Variants in DENND1A observed in about 807,000 individuals in gnomAD.
The protein encoded by DENND1A is DENN domain containing 1A.
DENND1A carries 51 observed loss-of-function variants against 113.7 expected under a neutral mutation model. The ratio of observed to expected loss-of-function variants is 0.45; its 90% CI spans 0.36 to 0.57. The LOEUF is 0.57. Ranked by LOEUF, DENND1A falls within the 20% of genes least tolerant of loss-of-function variation. The probability of loss-of-function intolerance (pLI) is 0.00; values close to 1 mark genes in which losing one functional copy is unlikely to be tolerated. For synonymous variants in DENND1A, 565 were observed against 570.8 expected (o/e 0.99, Z 0.14); for missense variants, 1,258 against 1,395.9 (o/e 0.90, Z 1.57).
At chr9:123,929,818 C>A (rs1193137849) in intron 1 of DENND1A, 71 bp downstream of exon 1, 7 of 187,540 alleles carry the variant, frequency 3.7e-5, no homozygotes, top group Admixed American at 6.1e-5. Context: ...GCGCGGCCCG[C>A]GGCCTGCAGC....
intron 13 of DENND1A, among the ~76,000 whole-genome samples, chr9:123,486,635 G>A (rs1299518502): frequency 1.3e-5 from 2 of 152,222 alleles, no homozygotes; most frequent in African/African-American, 4.8e-5. Context: ...AGCAAGCCTT[G>A]AGCATGAGTG....
At chr9:123,437,458 G>A (rs2046608366) in intron 19 of DENND1A, among the ~76,000 whole-genome samples, 1 of 152,220 alleles carries the variant, frequency 6.6e-6, no homozygotes, top group African/African-American at 2.4e-5. Context: ...TGAGATGAAG[G>A]CAACCGTCTC....
At chr9:123,420,732 T>A (rs573467336) in intron 19 of DENND1A, among the ~76,000 whole-genome samples, 1 of 152,034 alleles carries the variant, frequency 6.6e-6, no homozygotes, top group Non-Finnish European at 1.5e-5. Flanking sequence ...TCAAGATCCC[T>A]GATTACTTCC....
chr9:123,398,392 T>G (rs2043244520), intron 21 of DENND1A, among the ~76,000 whole-genome samples: 1 of 152,128 alleles, frequency 6.6e-6, no homozygotes. Flanking sequence ...CTTTTTTATT[T>G]GAGACGGCGT....
intron 13 of DENND1A, among the ~76,000 whole-genome samples, chr9:123,473,552 C>T (rs959139653): frequency 1.3e-5 from 2 of 152,190 alleles, no homozygotes; most frequent in Admixed American, 6.5e-5. Context: ...ATGCCAACTC[C>T]GCTCCTCTCC....
Position 123,879,041 on chromosome 9 carries a change from T to C in DENND1A, c.18-20A>G, listed in dbSNP as rs1342635612. 2.5e-6 allele frequency: 4 copies of C among 1,612,988 alleles called. No homozygotes were observed. Among genetic ancestry groups the C allele is most frequent in the Non-Finnish European group, 3.4e-6 (4 of 1,179,358 alleles). On this transcript the variant is annotated intron_variant, in intron 1 of 23. Transcript: ENST00000394215. Reference sequence around the variant, plus strand: ...TTCTGCCTACAAAAGAAACAGATCATGATTACTGACAAAGATTGAGGCAGC... The same window carrying C: ...TTCTGCCTACAAAAGAAACAGATCACGATTACTGACAAAGATTGAGGCAGC...
chr9:123,435,728 G>C (rs2046467711), intron 19 of DENND1A, among the ~76,000 whole-genome samples: 1 of 152,206 alleles, frequency 6.6e-6, no homozygotes. Flanking sequence ...CAGTGTCACT[G>C]AACTCACACA....
intron 13 of DENND1A, among the ~76,000 whole-genome samples, chr9:123,551,615 A>T (rs1589101951): frequency 1.3e-5 from 2 of 152,216 alleles, no homozygotes; most frequent in Admixed American, 6.5e-5. Flanking sequence ...GAGAGCACGG[A>T]TGGGAAGCAA....
At chr9:123,796,171 G>A (rs924493338) in intron 2 of DENND1A, among the ~76,000 whole-genome samples, 1 of 152,156 alleles carries the variant, frequency 6.6e-6, no homozygotes, top group African/African-American at 2.4e-5. Flanking sequence ...AAAGAGGCAG[G>A]TAGCTCTCAG....
chr9:123,600,191 A>C (rs2059880317), intron 11 of DENND1A, among the ~76,000 whole-genome samples: 1 of 152,222 alleles, frequency 6.6e-6, no homozygotes, highest in Non-Finnish European at 1.5e-5. Flanking sequence ...TTGAAAAAGG[A>C]GGGCAGAGTC....
In DENND1A at chr9:123,522,656, TTTC is replaced by T. The variant is rs982042688; in HGVS notation, c.993+34911_993+34913del. Among the ~76,000 whole-genome samples the T allele has an allele frequency of 7.9e-5, 12 of 152,292 alleles. No individual in the cohort carries two copies. The East Asian group carries it at 1.7e-3, about 22-fold the overall frequency. On this transcript the variant is annotated intron_variant, in intron 13 of 23. Coordinates refer to ENST00000394215, the MANE Select transcript of DENND1A (RefSeq NM_001352964.2). Reference sequence around the variant, plus strand: ...TGGGTGACCAGATGCCCATTTTTATTTTCTTCTTCTTCTTGGTGTTAATGATTA... The same window carrying T: ...TGGGTGACCAGATGCCCATTTTTATTTTCTTCTTCTTGGTGTTAATGATTA...
intron 2 of DENND1A, among the ~76,000 whole-genome samples, chr9:123,812,984 T>G (rs1294681502): frequency 1.3e-5 from 2 of 152,202 alleles, no homozygotes; most frequent in African/African-American, 4.8e-5. Flanking sequence ...AGGGTCTCAC[T>G]CTATCTTCCA....
intron 2 of DENND1A, among the ~76,000 whole-genome samples, chr9:123,851,046 A>C (rs1384001727): frequency 6.6e-6 from 1 of 152,234 alleles, no homozygotes; most frequent in Non-Finnish European, 1.5e-5. Flanking sequence ...AAGAATGAAA[A>C]AAAAATAAGA....
intron 5 of DENND1A, among the ~76,000 whole-genome samples, chr9:123,692,865 C>T (rs2065267659): frequency 6.6e-6 from 1 of 152,146 alleles, no homozygotes; most frequent in Non-Finnish European, 1.5e-5. Context: ...ACCTTAGCTC[C>T]ATCAGGCATT....
chr9:123,883,324 G>C (rs952399878), intron 1 of DENND1A, among the ~76,000 whole-genome samples: 1 of 152,198 alleles, frequency 6.6e-6, no homozygotes, highest in Non-Finnish European at 1.5e-5. Flanking sequence ...CACACAGCCA[G>C]TGCCACCTAA....
At chr9:123,411,866 C>G (rs1172005709) in intron 19 of DENND1A, 37 bp from the exon 20 acceptor site, 2 of 985,142 alleles carry the variant, frequency 2.0e-6, no homozygotes, top group Middle Eastern at 5.2e-4. Context: ...TCAGGACACA[C>G]TGAGAAGGCT....
At chr9:123,555,909 T>A (rs1471839193) in intron 13 of DENND1A, among the ~76,000 whole-genome samples, 1 of 152,188 alleles carries the variant, frequency 6.6e-6, no homozygotes, top group East Asian at 1.9e-4. Context: ...GTGAAAATAC[T>A]TCAAGTCTGT....
At chr9:123,490,893 G>A (rs1700273373) in intron 13 of DENND1A, among the ~76,000 whole-genome samples, 1 of 152,200 alleles carries the variant, frequency 6.6e-6, no homozygotes, top group South Asian at 2.1e-4. Flanking sequence ...TGTAGCCAGA[G>A]GCCACTGTAC....
chr9:123,677,281 T>C (rs1377969800), intron 5 of DENND1A, among the ~76,000 whole-genome samples: 1 of 152,146 alleles, frequency 6.6e-6, no homozygotes, highest in African/African-American at 2.4e-5. Context: ...ATTCTACCCA[T>C]CACACACCAT....
Sources: allele counts gnomAD v4.1 joint callset (sites outside exome capture counted in the v4.1 genomes callset), GRCh38; gene constraint gnomAD v4.1.1; transcripts MANE v1.5; gene names NCBI Gene and HGNC (gene_info 2026-07-23, HGNC 2026-07-21).